ANKS1B: variants seen among roughly 807,000 people sequenced by gnomAD.
The protein encoded by ANKS1B is ankyrin repeat and sterile alpha motif domain-containing protein 1B.
A neutral mutation model predicts 148.3 loss-of-function variants in ANKS1B; 36 were observed. That is an observed-to-expected ratio of 0.24 (90% CI 0.19 to 0.32). The LOEUF is 0.32. Ranked by LOEUF, ANKS1B falls within the 10% of genes least tolerant of loss-of-function variation. The probability of loss-of-function intolerance (pLI) is 1.00; values close to 1 mark genes in which losing one functional copy is unlikely to be tolerated. For missense variants in ANKS1B, 1,157 were observed against 1,542.6 expected (o/e 0.75, Z 4.19); for synonymous variants, 542 against 560.8 (o/e 0.97, Z 0.47).
chr12:99,188,916 C>T (rs962114485), intron 14 of ANKS1B, among the ~76,000 whole-genome samples: 4 of 151,880 alleles, frequency 2.6e-5, no homozygotes, highest in African/African-American at 9.7e-5. Flanking sequence ...AGCTGGTTTT[C>T]TGAAAAGATC....
At chr12:99,019,804 T>C (rs2099944702) in intron 17 of ANKS1B, among the ~76,000 whole-genome samples, 1 of 152,178 alleles carries the variant, frequency 6.6e-6, no homozygotes, top group South Asian at 2.1e-4. Flanking sequence ...ACTAAAGCAT[T>C]CAAATGACCA....
intron 17 of ANKS1B, among the ~76,000 whole-genome samples, chr12:98,887,069 T>C (rs577784294): frequency 6.6e-6 from 1 of 152,306 alleles, no homozygotes; most frequent in East Asian, 1.9e-4. Context: ...CATTTGAACA[T>C]AGGAATTTAT....
At chr12:99,731,365 C>T (rs111422804) in intron 8 of ANKS1B, among the ~76,000 whole-genome samples, 1,554 of 151,620 alleles carry the variant, frequency 0.01, 41 homozygotes, top group African/African-American at 0.035. Context: ...ATGATCCACT[C>T]GCCTCTGCCT....
At chr12:99,959,370 C>T (rs1486189367) in intron 1 of ANKS1B, among the ~76,000 whole-genome samples, 1 of 151,512 alleles carries the variant, frequency 6.6e-6, no homozygotes, top group Non-Finnish European at 1.5e-5. Flanking sequence ...AGCCACCATG[C>T]CTGGCCAAGA....
At chr12:99,715,446 C>T (rs1305036946) in intron 8 of ANKS1B, among the ~76,000 whole-genome samples, 4 of 152,200 alleles carry the variant, frequency 2.6e-5, no homozygotes, top group South Asian at 2.1e-4. Flanking sequence ...TTTTCCTTTA[C>T]CTACCCAAAT....
chr12:99,665,886 C>T (rs1020281553), intron 8 of ANKS1B, among the ~76,000 whole-genome samples: 6 of 152,072 alleles, frequency 3.9e-5, no homozygotes, highest in Admixed American at 6.5e-5. Flanking sequence ...GAAATCTTTG[C>T]CTAACACAAA....
At chr12:99,262,392 T>C (rs2076013061) in intron 12 of ANKS1B, among the ~76,000 whole-genome samples, 1 of 152,068 alleles carries the variant, frequency 6.6e-6, no homozygotes. Context: ...GAAATAAATA[T>C]ATAGATATTT....
chr12:99,026,497 C>T (rs1480855558), intron 17 of ANKS1B, among the ~76,000 whole-genome samples: 1 of 152,088 alleles, frequency 6.6e-6, no homozygotes, highest in African/African-American at 2.4e-5. Flanking sequence ...CCTAAGACAG[C>T]CCTTCCCCAG....
At chr12:98,956,030 A>G (rs1292337013) in intron 17 of ANKS1B, among the ~76,000 whole-genome samples, 1 of 152,194 alleles carries the variant, frequency 6.6e-6, no homozygotes, top group Non-Finnish European at 1.5e-5. Context: ...TTCCAGGCCT[A>G]GAGATCTGAC....
chr12:99,427,654 T>G (rs939196233), intron 11 of ANKS1B, among the ~76,000 whole-genome samples: 6 of 152,198 alleles, frequency 3.9e-5, no homozygotes, highest in South Asian at 2.1e-4. Flanking sequence ...AGAGGCTCCT[T>G]GAGGACAGTG....
intron 17 of ANKS1B, among the ~76,000 whole-genome samples, chr12:98,888,775 T>G (rs188254516): frequency 6.6e-6 from 1 of 152,322 alleles, no homozygotes; most frequent in Non-Finnish European, 1.5e-5. Context: ...TCTCCCTCCA[T>G]CTCCCTCTCC....
In ANKS1B at chr12:99,444,725, T is replaced by C. The variant is rs192165439; in HGVS notation, c.1439-916A>G. On this transcript the variant is annotated intron_variant, in intron 10 of 26. Transcript: ENST00000683438. ...TCAAATCTGCCAAAAAAATAAAAAA[T>C]AAAAAGTTTACTTCTCTGTTGTTTT... Among the ~76,000 whole-genome samples the C allele has an allele frequency of 7.2e-5, 11 of 152,038 alleles. 1 individual carries two copies. The highest frequency in any genetic ancestry group is 3.9e-4 in the Admixed American group (6 of 15,258).
intron 10 of ANKS1B, among the ~76,000 whole-genome samples, chr12:99,474,646 C>T (rs2096288396): frequency 6.6e-6 from 1 of 151,832 alleles, no homozygotes; most frequent in Non-Finnish European, 1.5e-5. Flanking sequence ...TATATAAGGT[C>T]ATATTTTAGA....
intron 4 of ANKS1B, among the ~76,000 whole-genome samples, chr12:99,793,163 TA>T (rs1251248998): frequency 2.6e-5 from 4 of 151,892 alleles, no homozygotes; most frequent in Non-Finnish European, 4.4e-5. Flanking sequence ...ATGAAAACTG[TA>T]AAATACTGAT....
At chr12:99,403,701 A>C (rs1433284874) in intron 11 of ANKS1B, among the ~76,000 whole-genome samples, 2 of 144,860 alleles carry the variant, frequency 1.4e-5, no homozygotes, top group East Asian at 3.9e-4. Flanking sequence ...TACACTGTTG[A>C]TGGGAGTTTA....
At chr12:99,815,262 A>G (rs539570967) in intron 2 of ANKS1B, among the ~76,000 whole-genome samples, 55 of 151,878 alleles carry the variant, frequency 3.6e-4, no homozygotes, top group Non-Finnish European at 7.2e-4. Context: ...ATTTATGACA[A>G]GTGAAAAAAC....
At chr12:99,829,239 G>C (rs564441745) in intron 1 of ANKS1B, among the ~76,000 whole-genome samples, 7 of 152,018 alleles carry the variant, frequency 4.6e-5, no homozygotes, top group African/African-American at 1.7e-4. Flanking sequence ...GGCCAGTCGC[G>C]GTGGCTCACG....
At chr12:99,709,125 T>C (rs941295171) in intron 8 of ANKS1B, among the ~76,000 whole-genome samples, 3 of 152,138 alleles carry the variant, frequency 2.0e-5, no homozygotes, top group East Asian at 1.9e-4. Context: ...GGCAATCTCA[T>C]GAATACTGCT....
chr12:99,905,081 G>A (rs2153777028), intron 1 of ANKS1B, among the ~76,000 whole-genome samples: 1 of 152,310 alleles, frequency 6.6e-6, no homozygotes, highest in East Asian at 1.9e-4. Flanking sequence ...GATAATAAGA[G>A]TACTAAGTTT....
Sources: allele counts gnomAD v4.1 joint callset (sites outside exome capture counted in the v4.1 genomes callset), GRCh38; gene constraint gnomAD v4.1.1; transcripts MANE v1.5; gene names NCBI Gene and HGNC (gene_info 2026-07-23, HGNC 2026-07-21).